Variants in IQGAP2 observed in about 807,000 individuals in gnomAD.
IQGAP2 encodes the protein IQ motif containing GTPase activating protein 2, also known as ras GTPase-activating-like protein IQGAP2.
A neutral mutation model predicts 201.3 loss-of-function variants in IQGAP2; 173 were observed. That is an observed-to-expected ratio of 0.86 (90% CI 0.76 to 0.98). The LOEUF is 0.98. Ranked by LOEUF, IQGAP2 falls within the 50% of genes least tolerant of loss-of-function variation. IQGAP2 has a pLI of 0.00. For synonymous variants in IQGAP2, 675 were observed against 673.9 expected (o/e 1.00, Z -0.03); for missense variants, 1,687 against 1,864.8 (o/e 0.90, Z 1.76).
rs1250433642 is a variant in IQGAP2, at chr5:76,617,288, T to C, written c.1521+6105T>C. The C allele has an allele frequency of 1.2e-5, 3 of 257,432 alleles. No homozygotes were observed. The East Asian group carries it at 2.3e-4, about 20-fold the overall frequency. The allele number at this position is 257,432 out of a possible 1,614,324, so 15.9% of individuals were successfully genotyped here. On this transcript the variant is annotated intron_variant, in intron 13 of 35. Coordinates refer to ENST00000274364, the MANE Select transcript of IQGAP2 (RefSeq NM_006633.5). ...GGTGAAACCCCGTCTCTACTAAAAA[T>C]ACAAGTATTTTTAGTAGCTGGGCAT...
At chr5:76,470,663 A>G (rs1440994965) in intron 2 of IQGAP2, among the ~76,000 whole-genome samples, 7 of 152,162 alleles carry the variant, frequency 4.6e-5, no homozygotes, top group African/African-American at 7.2e-5. Context: ...CTCCAGCTTC[A>G]GCCTCCCAAG....
chr5:76,587,682 A>G (rs1315305344), intron 5 of IQGAP2, among the ~76,000 whole-genome samples: 4 of 152,112 alleles, frequency 2.6e-5, no homozygotes, highest in Admixed American at 2.0e-4. Context: ...GCCAGACACG[A>G]TGGCTCATGC....
Position 76,673,537 on chromosome 5 carries a change from A to G in IQGAP2, c.3157A>G (p.Arg1053Gly), listed in dbSNP as rs1489219545. Residue 1053 changes from arginine to glycine, a missense_variant, in exon 25 of 36, where the codon AGG (arginine) becomes GGG (glycine). Transcript: ENST00000274364. ...KLEASIENLRRVTDKVLNSII... is the reference protein window; with the variant it reads ...KLEASIENLRGVTDKVLNSII... The stretch of plus-strand genomic sequence containing the variant: ...GGAGGCTTCCATTGAGAACCTGAGA[A>G]GGGTCACCGACAAAGTCCTGAATTC... 2 of 1,614,090 alleles carry G rather than the reference A, an allele frequency of 1.2e-6. No individual in the cohort carries two copies. The highest frequency in any genetic ancestry group is 1.1e-5 in the South Asian group (1 of 91,072).
rs571513295 is a variant in IQGAP2, at chr5:76,459,980, G to C, written c.47-1590G>C. 2.0e-5 allele frequency among the ~76,000 whole-genome samples: 3 copies of C among 152,184 alleles called. No homozygotes were observed. In the East Asian group the frequency reaches 5.8e-4, roughly 29 times the overall value. On this transcript the variant is annotated intron_variant, in intron 1 of 35. Coordinates refer to ENST00000274364, the MANE Select transcript of IQGAP2 (RefSeq NM_006633.5). Reference sequence around the variant, plus strand: ...TAAAGTCTATTCATTATGGAGTAATGATGAGCTCACTTAGTGAGGATTCAC... The same window carrying C: ...TAAAGTCTATTCATTATGGAGTAATCATGAGCTCACTTAGTGAGGATTCAC...
chr5:76,417,477 G>A (rs779550838), intron 1 of IQGAP2, among the ~76,000 whole-genome samples: 1 of 152,066 alleles, frequency 6.6e-6, no homozygotes, highest in Non-Finnish European at 1.5e-5. Context: ...TGGAGACAAG[G>A]TTTCACCATG....
At chr5:76,477,565 A>G (rs574490444) in intron 2 of IQGAP2, among the ~76,000 whole-genome samples, 11 of 152,228 alleles carry the variant, frequency 7.2e-5, no homozygotes, top group Non-Finnish European at 1.0e-4. Flanking sequence ...AAATGTGTAC[A>G]GTACATAATA....
chr5:76,423,211 T>G (rs372367000), intron 1 of IQGAP2, among the ~76,000 whole-genome samples: 5 of 152,362 alleles, frequency 3.3e-5, no homozygotes, highest in African/African-American at 1.2e-4. Context: ...TTCTAAATTT[T>G]TTGGCACAGT....
intron 2 of IQGAP2, among the ~76,000 whole-genome samples, chr5:76,490,316 T>C (rs1756462465): frequency 6.6e-6 from 1 of 152,146 alleles, no homozygotes; most frequent in Non-Finnish European, 1.5e-5. Flanking sequence ...ATTTTACCAG[T>C]GTGGGATTGC....
intron 30 of IQGAP2, among the ~76,000 whole-genome samples, chr5:76,686,926 T>C (rs560707532): frequency 2.0e-5 from 3 of 152,356 alleles, no homozygotes; most frequent in Admixed American, 1.3e-4. Context: ...TGACAATACA[T>C]GTATGGCTTT....
intron 1 of IQGAP2, among the ~76,000 whole-genome samples, chr5:76,412,864 C>T (rs2150072509): frequency 6.6e-6 from 1 of 152,256 alleles, no homozygotes; most frequent in East Asian, 1.9e-4. Flanking sequence ...TTCTCTGTGC[C>T]TCAGTTTCCT....
At chr5:76,660,770 C>T (rs1443253492) in intron 21 of IQGAP2, among the ~76,000 whole-genome samples, 1 of 152,048 alleles carries the variant, frequency 6.6e-6, no homozygotes, top group Non-Finnish European at 1.5e-5. Flanking sequence ...TAGCTGTTAG[C>T]CTTGTCATTG....
chr5:76,611,372 A>G (rs1580599972), intron 13 of IQGAP2, among the ~76,000 whole-genome samples, 189 bp downstream of exon 13: 2 of 152,336 alleles, frequency 1.3e-5, no homozygotes, highest in Admixed American at 1.3e-4. Flanking sequence ...AACCAGCTCC[A>G]GAGCTATTTA....
chr5:76,468,319 G>T (rs1387224031), intron 2 of IQGAP2, among the ~76,000 whole-genome samples: 11 of 152,152 alleles, frequency 7.2e-5, no homozygotes, highest in Non-Finnish European at 1.3e-4. Context: ...GCCTAGGAGG[G>T]TTGTTTTGGG....
intron 2 of IQGAP2, among the ~76,000 whole-genome samples, chr5:76,528,358 C>T (rs1580386295): frequency 6.6e-6 from 1 of 151,796 alleles, no homozygotes; most frequent in African/African-American, 2.4e-5. Flanking sequence ...GTATTCTGCT[C>T]TATTTTATAT....
intron 1 of IQGAP2, among the ~76,000 whole-genome samples, chr5:76,409,975 A>G (rs575632323): frequency 2.6e-5 from 4 of 152,302 alleles, no homozygotes; most frequent in East Asian, 1.9e-4. Context: ...TGGAAATGAT[A>G]TATCTATAGA....
At chr5:76,597,623 G>A (rs756402103) in intron 10 of IQGAP2, 21 bp downstream of exon 10, 5 of 1,613,296 alleles carry the variant, frequency 3.1e-6, no homozygotes, top group South Asian at 1.1e-5. Context: ...GGAGACCCCA[G>A]CTGTGGGGAC....
intron 2 of IQGAP2, among the ~76,000 whole-genome samples, chr5:76,533,110 G>A (rs1759409801): frequency 6.6e-6 from 1 of 152,152 alleles, no homozygotes; most frequent in South Asian, 2.1e-4. Context: ...GACCCTCCCT[G>A]TGGGAGAGGA....
At chr5:76,636,879 G>T (rs866598572) in intron 15 of IQGAP2, among the ~76,000 whole-genome samples, 155 bp from the exon 16 acceptor site, 1 of 152,168 alleles carries the variant, frequency 6.6e-6, no homozygotes, top group South Asian at 2.1e-4. Flanking sequence ...TAAATACATC[G>T]AATTCATTCC....
chr5:76,562,290 C>A, intron 2 of IQGAP2, 106 bp from the exon 3 acceptor site: 1 of 784,348 alleles, frequency 1.3e-6, no homozygotes, highest in Non-Finnish European at 2.0e-6. Flanking sequence ...TGTTTCAGAT[C>A]CTTCTTCCTT....
Sources: gnomAD v4.1 joint callset for allele counts (sites outside exome capture counted in the v4.1 genomes callset) on GRCh38, gnomAD v4.1.1 for gene constraint, MANE v1.5 for transcripts, NCBI Gene and HGNC (gene_info 2026-07-23, HGNC 2026-07-21) for gene names.